The following USP25 variants were observed in gnomAD, a reference collection of about 807,000 sequenced individuals.
USP25 encodes the protein ubiquitin specific peptidase 25, also known as ubiquitin carboxyl-terminal hydrolase 25.
Under a neutral mutation model 158.5 loss-of-function variants are expected in USP25, and 85 were observed. The observed-to-expected ratio is 0.54, with a 90% CI of 0.45 to 0.64. The LOEUF is 0.64. Ranked by LOEUF, USP25 falls within the 30% of genes least tolerant of loss-of-function variation. USP25 has a pLI of 0.00. For missense variants in USP25, 1,242 were observed against 1,327.3 expected, an observed-to-expected ratio of 0.94 and a Z score of 1.00; for synonymous variants, 464 against 460.4, an observed-to-expected ratio of 1.01 and a Z score of -0.10.
chr21:15,765,967 C>A, intron 2 of USP25, 30 bp from the exon 3 acceptor site: 1 of 1,575,376 alleles, frequency 6.3e-7, no homozygotes, highest in Non-Finnish European at 8.6e-7. Context: ...TATTTCAAAA[C>A]ACTTGATACT....
At chr21:15,832,179 T>C (rs2037836068) in intron 16 of USP25, among the ~76,000 whole-genome samples, 1 of 152,232 alleles carries the variant, frequency 6.6e-6, no homozygotes, top group African/African-American at 2.4e-5. Context: ...TGCCAAAAAG[T>C]ATCTCTCCTT....
At chr21:15,763,108 T>C in intron 2 of USP25, 140 bp downstream of exon 2, 1 of 709,140 alleles carries the variant, frequency 1.4e-6, no homozygotes, top group African/African-American at 1.9e-5. Context: ...TAAAGTAAAA[T>C]CCTCAGTTAA....
chr21:15,816,502 G>A lies in USP25; in HGVS notation c.932-2196G>A, dbSNP rs1263718419. Among the ~76,000 whole-genome samples the A allele has an allele frequency of 6.6e-6, 1 of 151,888 alleles. No homozygotes were observed. The highest frequency in any genetic ancestry group is 2.4e-5 in the African/African-American group (1 of 41,292). ...CTGGCTTTTGTAACACCATATTCTT[G>A]TGGCTTTTTTCCTGCCTCAGTGGGT... On this transcript the variant is annotated intron_variant, in intron 9 of 25. Transcript: ENST00000400183. The surrounding 1 kb of genome is among the most constrained non-coding windows in gnomAD (Gnocchi z 4.0).
Position 15,816,051 on chromosome 21 carries a change from A to C in USP25, c.932-2647A>C, listed in dbSNP as rs1340211017. Among the ~76,000 whole-genome samples, 2 of 152,172 alleles carry C rather than the reference A, an allele frequency of 1.3e-5. No individual in the cohort carries two copies. The highest frequency in any genetic ancestry group is 4.8e-5 in the African/African-American group (2 of 41,450). On this transcript the variant is annotated intron_variant, in intron 9 of 25. Coordinates refer to ENST00000400183, the MANE Select transcript of USP25 (RefSeq NM_001283041.3). The surrounding 1 kb of genome is among the most constrained non-coding windows in gnomAD (Gnocchi z 4.0). ...AATGATGTGGTTCAGCTGTGTCCTG[A>C]TGTAAATCTCAACTTGAATTATATC...
At chr21:15,873,217 C>T (rs184376939) in intron 23 of USP25, among the ~76,000 whole-genome samples, 1 of 151,760 alleles carries the variant, frequency 6.6e-6, no homozygotes, top group East Asian at 1.9e-4. Flanking sequence ...CTCAAGAAGT[C>T]CTTCCTCCTC....
At chr21:15,787,894 A>AACC (rs2035371544) in intron 4 of USP25, among the ~76,000 whole-genome samples, 1 of 107,578 alleles carries the variant, frequency 9.3e-6, no homozygotes, top group African/African-American at 4.1e-5. Flanking sequence ...AAATAATAAC[A>AACC]CCCCCTCACC....
At chr21:15,771,251 G>A (rs1419164736) in intron 3 of USP25, among the ~76,000 whole-genome samples, 2 of 152,056 alleles carry the variant, frequency 1.3e-5, no homozygotes, top group Non-Finnish European at 2.9e-5. Context: ...AGAAGTGATG[G>A]GGGTGTGCTT....
At chr21:15,733,783 A>G (rs1035400366) in intron 1 of USP25, among the ~76,000 whole-genome samples, 4 of 152,190 alleles carry the variant, frequency 2.6e-5, no homozygotes, top group African/African-American at 9.7e-5. Context: ...CGGAGGTTGC[A>G]GTGAGCCGAG....
Position 15,846,158 on chromosome 21 carries a change from A to ATATT in USP25, c.2338-1504_2338-1503insATTT, listed in dbSNP as rs1325255884. On this transcript the variant is annotated intron_variant, in intron 18 of 25. Coordinates refer to ENST00000400183, the MANE Select transcript of USP25 (RefSeq NM_001283041.3). ...TATATATATATATATATATATATATATTTTTTTTTTTTTTTTTTTTTTGAG... is the reference window on the plus strand; with the variant it reads ...TATATATATATATATATATATATATATATTTTTTTTTTTTTTTTTTTTTTTTGAG... Among the ~76,000 whole-genome samples the ATATT allele has an allele frequency of 4.7e-3, 113 of 23,950 alleles. 1 individual carries two copies. The highest frequency in any genetic ancestry group is 6.2e-3 in the Non-Finnish European group (87 of 14,044). 15.7% of individuals were successfully genotyped at this position (23,950 alleles called of 152,430 possible).
Position 15,827,069 on chromosome 21 carries a change from A to G in USP25, c.1559A>G (p.Lys520Arg). 1 of 1,614,180 alleles carries G rather than the reference A, an allele frequency of 6.2e-7. No individual in the cohort carries two copies. Among genetic ancestry groups the G allele is most frequent in the Non-Finnish European group, 8.5e-7 (1 of 1,180,028 alleles). ...AAISSRSVIH[K>R]PFTQSRIPPD... ...ATTTCATCGAGATCAGTAATACACA[A>G]ACCATTTACTCAGTCCCGGATACCT... The change falls in exon 14 of 26, where the codon AAA becomes AGA. Residue 520 changes from lysine (K) to arginine (R), a missense_variant. Transcript: ENST00000400183.
chr21:15,758,303 G>A (rs963069084), intron 1 of USP25, among the ~76,000 whole-genome samples: 1 of 152,138 alleles, frequency 6.6e-6, no homozygotes, highest in African/African-American at 2.4e-5. Context: ...TAGCCTTTGT[G>A]TCCCCAACCA....
chr21:15,801,038 G>C (rs1015438098), intron 6 of USP25, among the ~76,000 whole-genome samples: 2 of 151,384 alleles, frequency 1.3e-5, no homozygotes, highest in Non-Finnish European at 3.0e-5. Flanking sequence ...GGAACTTTCT[G>C]AACTATTGCC....
At chr21:15,768,700 T>A (rs1281510225) in intron 3 of USP25, among the ~76,000 whole-genome samples, 2 of 152,200 alleles carry the variant, frequency 1.3e-5, no homozygotes, top group East Asian at 3.9e-4. Context: ...AAGGGATTGT[T>A]GTAGATATAA....
intron 10 of USP25, among the ~76,000 whole-genome samples, chr21:15,819,415 T>C (rs1414765658): frequency 6.6e-6 from 1 of 152,190 alleles, no homozygotes; most frequent in African/African-American, 2.4e-5. Context: ...GCTGCATCTG[T>C]GTAGCCATTC....
chr21:15,823,845 T>C (rs187302578), intron 10 of USP25, among the ~76,000 whole-genome samples, 194 bp from the exon 11 acceptor site: 1 of 152,296 alleles, frequency 6.6e-6, no homozygotes, highest in African/African-American at 2.4e-5. Context: ...TACCCACTCT[T>C]GGAATTTTCA....
intron 3 of USP25, among the ~76,000 whole-genome samples, chr21:15,775,747 C>A (rs1026410065): frequency 4.7e-5 from 3 of 63,776 alleles, no homozygotes; most frequent in South Asian, 1.1e-3. Context: ...CCACCCCCCC[C>A]CCCCCCCGCC....
intron 18 of USP25, among the ~76,000 whole-genome samples, chr21:15,846,122 G>GTGTATATA (rs1211037382): frequency 5.4e-5 from 3 of 55,708 alleles, no homozygotes; most frequent in Admixed American, 3.4e-4. Flanking sequence ...GTGTGTGTGT[G>GTGTATATA]TATATATATA....
chr21:15,789,808 T>G (rs1224944602), intron 4 of USP25, among the ~76,000 whole-genome samples: 1 of 152,058 alleles, frequency 6.6e-6, no homozygotes, highest in Non-Finnish European at 1.5e-5. Context: ...GGAACAAAAT[T>G]TTCAAATGAG....
At chr21:15,745,764 C>A (rs745933598) in intron 1 of USP25, among the ~76,000 whole-genome samples, 4 of 152,152 alleles carry the variant, frequency 2.6e-5, no homozygotes, top group Non-Finnish European at 5.9e-5. Flanking sequence ...GCGTGAGCCA[C>A]CACGCCCGGC....
Sources: gnomAD v4.1 joint callset for allele counts (sites outside exome capture counted in the v4.1 genomes callset) on GRCh38, gnomAD v4.1.1 for gene constraint, Gnocchi (gnomAD v3.1) non-coding constraint, MANE v1.5 for transcripts, NCBI Gene and HGNC (gene_info 2026-07-23, HGNC 2026-07-21) for gene names.